Variants in CHP1 observed in about 807,000 individuals in gnomAD.
The protein encoded by CHP1 is calcineurin B homologous protein 1.
Under a neutral mutation model 27.4 loss-of-function variants are expected in CHP1, and 11 were observed. The observed-to-expected ratio is 0.40, with a 90% confidence interval of 0.25 to 0.67. The LOEUF (loss-of-function observed/expected upper bound fraction) is 0.67, where lower values mean the gene tolerates loss of function less well. Among genes scored for constraint, CHP1 ranks in the 30% least tolerant of loss-of-function variants. CHP1 has a pLI of 0.38. For missense variants in CHP1, 169 were observed against 251.3 expected, an observed-to-expected ratio of 0.67 and a Z score of 2.22; for synonymous variants, 89 against 87.4, an observed-to-expected ratio of 1.02 and a Z score of -0.10.
intron 2 of CHP1, among the ~76,000 whole-genome samples, chr15:41,253,392 T>A (rs1038120265): frequency 6.6e-6 from 1 of 151,888 alleles, no homozygotes; most frequent in Non-Finnish European, 1.5e-5. Flanking sequence ...TAATAACTTG[T>A]TCGTATATTA....
rs541648036 is a variant in CHP1 at position 41,279,467 on chromosome 15, C to T, written c.*78C>T. On this transcript the variant is annotated 3_prime_UTR_variant, in exon 7 of 7. Transcript: ENST00000334660. ...GTCCTCCTTCTACCAACTCCACCTC[C>T]ACCCCCTCATTCCCCTTCTCCCAAA... The T allele has an allele frequency of 1.8e-5, 22 of 1,195,602 alleles. No homozygotes were observed. In the East Asian group the frequency reaches 4.3e-4, roughly 23 times the overall value. 74.1% of individuals were successfully genotyped at this position (1,195,602 alleles called of 1,614,324 possible). A position where few individuals can be genotyped will look rare whatever the true frequency, so the allele number is the denominator to read the frequency against.
intron 5 of CHP1, among the ~76,000 whole-genome samples, chr15:41,278,399 T>C (rs768643172): frequency 6.6e-6 from 1 of 151,888 alleles, no homozygotes; most frequent in Non-Finnish European, 1.5e-5. Flanking sequence ...GCAGGTTAGT[T>C]ATGTAGGTAA....
intron 5 of CHP1, among the ~76,000 whole-genome samples, chr15:41,273,062 A>T (rs58677271): frequency 6.6e-6 from 1 of 151,958 alleles, no homozygotes; most frequent in East Asian, 1.9e-4. Context: ...GTCTCAAAAA[A>T]AAAAGAAAAG....
In CHP1 at chr15:41,258,785, A is replaced by G. The variant is rs774034600; in HGVS notation, c.221+1795A>G. 3.3e-5 allele frequency among the ~76,000 whole-genome samples: 5 copies of G among 152,344 alleles called. No homozygotes were observed. In the South Asian group the frequency reaches 8.3e-4, roughly 25 times the overall value. On this transcript the variant is annotated intron_variant, in intron 3 of 6. Transcript: ENST00000334660. ...TATTCCTGGTTTATATGGATAGTCT[A>G]TGACCCACAGGACTTCAAAATATTA... is the stretch of plus-strand genomic sequence containing the variant.
intron 2 of CHP1, among the ~76,000 whole-genome samples, chr15:41,252,780 T>C (rs577927617): frequency 6.6e-6 from 1 of 152,272 alleles, no homozygotes; most frequent in South Asian, 2.1e-4. Context: ...CCATCGTACA[T>C]GGCTCTGTTC....
At chr15:41,266,157 C>T (rs1187442921) in intron 4 of CHP1, among the ~76,000 whole-genome samples, 1 of 152,046 alleles carries the variant, frequency 6.6e-6, no homozygotes, top group Non-Finnish European at 1.5e-5. Flanking sequence ...GTGGTGCATG[C>T]CTGTAATTCC....
At chr15:41,234,439 C>T (rs1414655209) in intron 1 of CHP1, among the ~76,000 whole-genome samples, 1 of 152,192 alleles carries the variant, frequency 6.6e-6, no homozygotes, top group East Asian at 1.9e-4. Context: ...CATTTTACTA[C>T]TTCCTTTGCC....
At chr15:41,245,259 G>A (rs1485382839) in intron 2 of CHP1, among the ~76,000 whole-genome samples, 4 of 152,262 alleles carry the variant, frequency 2.6e-5, no homozygotes, top group East Asian at 1.9e-4. Flanking sequence ...TCAGGAGTTC[G>A]AGACCAGGCT....
chr15:41,263,911 C>T (rs559212602), intron 4 of CHP1, among the ~76,000 whole-genome samples: 2 of 152,104 alleles, frequency 1.3e-5, no homozygotes, highest in Non-Finnish European at 2.9e-5. Flanking sequence ...CGAAATAGCA[C>T]TAGTGGATTT....
chr15:41,274,600 G>A (rs916901508), intron 5 of CHP1, among the ~76,000 whole-genome samples: 4 of 151,666 alleles, frequency 2.6e-5, no homozygotes, highest in Non-Finnish European at 4.4e-5. Context: ...CTTTTATCCC[G>A]ACCCTCCGAC....
Position 41,231,297 on chromosome 15 carries a change from C to G in CHP1, c.-86C>G. 1 of 1,319,078 alleles carries G rather than the reference C, an allele frequency of 7.6e-7. No homozygotes were observed. The highest frequency in any genetic ancestry group is 1.1e-6 in the Non-Finnish European group (1 of 936,248). 81.7% of individuals were successfully genotyped at this position (1,319,078 alleles called of 1,614,324 possible). A position where few individuals can be genotyped will look rare whatever the true frequency, so the allele number is the denominator to read the frequency against. On this transcript the variant is annotated 5_prime_UTR_variant, in exon 1 of 7. Coordinates refer to ENST00000334660, the MANE Select transcript of CHP1 (RefSeq NM_007236.5). ...GAAACACTGCCCTCTCCCTTCTTGA[C>G]CCCTAGCCCTTCCTTCCCTCCCTCC...
chr15:41,249,542 G>A (rs1210383899), intron 2 of CHP1, among the ~76,000 whole-genome samples: 1 of 135,428 alleles, frequency 7.4e-6, no homozygotes, highest in Non-Finnish European at 1.5e-5. Flanking sequence ...GCACGATCTC[G>A]GCTCACTGCA....
At chr15:41,239,360 T>C (rs1273964761) in intron 1 of CHP1, among the ~76,000 whole-genome samples, 1 of 151,986 alleles carries the variant, frequency 6.6e-6, no homozygotes. Flanking sequence ...ATTTACATTA[T>C]TTATTTTTAA....
intron 4 of CHP1, among the ~76,000 whole-genome samples, chr15:41,263,814 G>A (rs2047445324): frequency 6.6e-6 from 1 of 152,180 alleles, no homozygotes; most frequent in Non-Finnish European, 1.5e-5. Flanking sequence ...GGTTGAGGCT[G>A]CAATGAACCT....
chr15:41,270,658 G>T (rs2047484169), intron 5 of CHP1, 40 bp downstream of exon 5: 5 of 1,486,628 alleles, frequency 3.4e-6, no homozygotes, highest in African/African-American at 2.8e-5. Flanking sequence ...CTTGGACTCT[G>T]CCTGCTTATT....
intron 2 of CHP1, among the ~76,000 whole-genome samples, chr15:41,249,260 G>A (rs2047351530): frequency 6.6e-6 from 1 of 151,602 alleles, no homozygotes; most frequent in African/African-American, 2.4e-5. Context: ...GCTCACTGTA[G>A]CCTCCCACCT....
At chr15:41,276,407 G>A (rs2047519888) in intron 5 of CHP1, among the ~76,000 whole-genome samples, 1 of 152,112 alleles carries the variant, frequency 6.6e-6, no homozygotes, top group African/African-American at 2.4e-5. Context: ...AATATAAGGA[G>A]TCAGAAAGGT....
intron 4 of CHP1, among the ~76,000 whole-genome samples, chr15:41,268,667 C>T (rs1049765632): frequency 1.5e-4 from 21 of 144,206 alleles, no homozygotes; most frequent in African/African-American, 5.2e-4. Flanking sequence ...TCAGGCCAGG[C>T]GCGATGGCTC....
At chr15:41,235,947 G>A (rs1202162142) in intron 1 of CHP1, among the ~76,000 whole-genome samples, 1 of 152,124 alleles carries the variant, frequency 6.6e-6, no homozygotes, top group African/African-American at 2.4e-5. Flanking sequence ...CTGGTTTTGG[G>A]TTAAGTGATT....
Sources: allele counts gnomAD v4.1 joint callset (sites outside exome capture counted in the v4.1 genomes callset), GRCh38; gene constraint gnomAD v4.1.1; transcripts MANE v1.5; gene names NCBI Gene and HGNC (gene_info 2026-07-23, HGNC 2026-07-21).